The following ZDHHC14 variants were observed in gnomAD, a reference collection of about 807,000 sequenced individuals.
ZDHHC14 encodes the protein zDHHC palmitoyltransferase 14, also known as palmitoyltransferase ZDHHC14.
A neutral mutation model predicts 47.7 loss-of-function variants in ZDHHC14; 16 were observed. The ratio of observed to expected loss-of-function variants is 0.34; its 90% CI spans 0.23 to 0.51. The LOEUF is 0.51. Ranked by LOEUF, ZDHHC14 falls within the 20% of genes least tolerant of loss-of-function variation. The pLI is 0.97. For synonymous variants in ZDHHC14, 293 were observed against 278.9 expected, an observed-to-expected ratio of 1.05 and a Z score of -0.50; for missense variants, 515 against 662.5, an observed-to-expected ratio of 0.78 and a Z score of 2.44.
At chr6:157,557,610 T>C (rs1782529313) in intron 2 of ZDHHC14, among the ~76,000 whole-genome samples, 1 of 152,196 alleles carries the variant, frequency 6.6e-6, no homozygotes, top group African/African-American at 2.4e-5. Flanking sequence ...TTGTCCTTAT[T>C]TGCAAATTTA....
At chr6:157,524,631 C>T (rs1473634646) in intron 1 of ZDHHC14, among the ~76,000 whole-genome samples, 1 of 152,190 alleles carries the variant, frequency 6.6e-6, no homozygotes, top group Non-Finnish European at 1.5e-5. Flanking sequence ...TGAACATAGT[C>T]ATTTAGACCA....
At chr6:157,391,844 C>T (rs1160088986) in intron 1 of ZDHHC14, among the ~76,000 whole-genome samples, 2 of 152,144 alleles carry the variant, frequency 1.3e-5, no homozygotes, top group African/African-American at 4.8e-5. Context: ...GCTCTCACAA[C>T]TTTCAACTTG....
At chr6:157,387,403 A>G (rs1777335665) in intron 1 of ZDHHC14, among the ~76,000 whole-genome samples, 1 of 152,190 alleles carries the variant, frequency 6.6e-6, no homozygotes, top group Admixed American at 6.5e-5. Context: ...TATAATATAT[A>G]ATAACCCCAT....
intron 3 of ZDHHC14, among the ~76,000 whole-genome samples, chr6:157,624,441 C>G (rs1397810439): frequency 2.6e-5 from 4 of 152,168 alleles, no homozygotes; most frequent in Admixed American, 2.6e-4. Context: ...ATTAGGAGTT[C>G]GTTCCTTGGA....
Position 157,592,993 on chromosome 6 carries a change from G to A in ZDHHC14, c.412G>A (p.Ala138Thr), listed in dbSNP as rs181446232. 16 of 1,610,210 alleles carry A rather than the reference G, an allele frequency of 9.9e-6. No homozygotes were observed. Among genetic ancestry groups the A allele is most frequent in the African/African-American group, 6.7e-5 (5 of 74,770 alleles). The change falls in exon 3 of 9, where the codon GCA (alanine) becomes ACA (threonine). Residue 138 changes from alanine to threonine, a missense_variant. Transcript: ENST00000359775. ...TTCTCTTCTTTTCTCCACAGATATC[G>A]CAAACGGCACCAGTTCAGGGGGGTA... ...AADLERQIDI[A>T]NGTSSGGYRP...
intron 1 of ZDHHC14, among the ~76,000 whole-genome samples, chr6:157,410,082 T>C (rs1777844610): frequency 6.6e-6 from 1 of 152,152 alleles, no homozygotes; most frequent in Admixed American, 6.5e-5. Flanking sequence ...CTGCCCGCGC[T>C]GGCAGCTGTT....
chr6:157,591,079 C>T (rs188140116), intron 2 of ZDHHC14, among the ~76,000 whole-genome samples: 7 of 152,314 alleles, frequency 4.6e-5, no homozygotes, highest in African/African-American at 1.7e-4. Context: ...AGTGCCTGTA[C>T]CCCCATTGTA....
chr6:157,658,005 A>G (rs916835461), intron 8 of ZDHHC14, among the ~76,000 whole-genome samples: 12 of 152,228 alleles, frequency 7.9e-5, no homozygotes, highest in African/African-American at 2.7e-4. Flanking sequence ...TAGGGTTTCT[A>G]TGAGGATTAA....
intron 1 of ZDHHC14, among the ~76,000 whole-genome samples, chr6:157,405,436 G>T (rs1282966288): frequency 2.0e-5 from 3 of 152,134 alleles, no homozygotes; most frequent in Non-Finnish European, 2.9e-5. Flanking sequence ...GTTTCACTGT[G>T]TTGGCCAGGA....
chr6:157,662,779 A>G (rs147937936), intron 8 of ZDHHC14, among the ~76,000 whole-genome samples: 4 of 152,384 alleles, frequency 2.6e-5, no homozygotes, highest in Non-Finnish European at 5.9e-5. Context: ...AAGCCATCAG[A>G]CACTGTAGGC....
chr6:157,672,477 G>A (rs185590476), intron 8 of ZDHHC14, among the ~76,000 whole-genome samples: 162 of 152,238 alleles, frequency 1.1e-3, no homozygotes, highest in Middle Eastern at 3.4e-3. Context: ...GTGGCTGCAT[G>A]TTATGACTGG....
At chr6:157,387,495 GT>G (rs372216922) in intron 1 of ZDHHC14, among the ~76,000 whole-genome samples, 278 of 152,260 alleles carry the variant, frequency 1.8e-3, no homozygotes, top group African/African-American at 6.4e-3. Context: ...GGTCTCATCG[GT>G]TTTTTTCTAA....
chr6:157,655,680 T>G (rs954564406), intron 8 of ZDHHC14, among the ~76,000 whole-genome samples: 4 of 152,200 alleles, frequency 2.6e-5, no homozygotes. Context: ...ATACAAAGTT[T>G]GTGGGGTACA....
chr6:157,605,664 C>T (rs1246554863), intron 3 of ZDHHC14, among the ~76,000 whole-genome samples: 1 of 152,112 alleles, frequency 6.6e-6, no homozygotes, highest in Non-Finnish European at 1.5e-5. Flanking sequence ...CTCAGTGGGC[C>T]TGAAAGCGGG....
At chr6:157,564,031 C>A (rs1782811436) in intron 2 of ZDHHC14, among the ~76,000 whole-genome samples, 1 of 152,212 alleles carries the variant, frequency 6.6e-6, no homozygotes, top group Admixed American at 6.5e-5. Context: ...GATGTCAGGG[C>A]CCTTGCAGAG....
intron 1 of ZDHHC14, among the ~76,000 whole-genome samples, chr6:157,397,505 G>A (rs755341616): frequency 3.3e-5 from 5 of 152,218 alleles, no homozygotes; most frequent in African/African-American, 4.8e-5. Context: ...GAGGCTCCGT[G>A]TCTTCCTTCC....
At chr6:157,639,576 A>G (rs930617580) in intron 5 of ZDHHC14, among the ~76,000 whole-genome samples, 7 of 152,228 alleles carry the variant, frequency 4.6e-5, no homozygotes, top group Non-Finnish European at 8.8e-5. Flanking sequence ...TGCTGGGATT[A>G]CAGGCGTGAG....
chr6:157,613,286 G>A (rs2114926301), intron 3 of ZDHHC14, among the ~76,000 whole-genome samples: 1 of 152,352 alleles, frequency 6.6e-6, no homozygotes, highest in Non-Finnish European at 1.5e-5. Context: ...GCACAGAGAT[G>A]CACATAAAAG....
chr6:157,598,952 A>G (rs1449836424), intron 3 of ZDHHC14, among the ~76,000 whole-genome samples: 2 of 152,246 alleles, frequency 1.3e-5, no homozygotes, highest in African/African-American at 4.8e-5. Flanking sequence ...AAAGATAGAA[A>G]TGTACAAACA....
Sources: gnomAD v4.1 joint callset for allele counts (sites outside exome capture counted in the v4.1 genomes callset) on GRCh38, gnomAD v4.1.1 for gene constraint, MANE v1.5 for transcripts, NCBI Gene and HGNC (gene_info 2026-07-23, HGNC 2026-07-21) for gene names.